The following IQUB variants were observed in gnomAD, a reference collection of about 807,000 sequenced individuals.
IQUB encodes IQ motif and ubiquitin domain containing.
Under a neutral mutation model 86.4 loss-of-function variants are expected in IQUB, and 86 were observed. That is an observed-to-expected ratio of 1.00 (90% confidence interval 0.84 to 1.19). The LOEUF (loss-of-function observed/expected upper bound fraction) is 1.19, where lower values mean the gene tolerates loss of function less well. IQUB is among the 50% of genes most tolerant of loss of function. IQUB has a pLI of 0.00. For missense variants in IQUB, 946 were observed against 916.9 expected, an observed-to-expected ratio of 1.03 and a Z score of -0.41; for synonymous variants, 289 against 304.5, an observed-to-expected ratio of 0.95 and a Z score of 0.53.
intron 1 of IQUB, among the ~76,000 whole-genome samples, chr7:123,522,434 T>C (rs747854420): frequency 2.0e-5 from 3 of 152,240 alleles, no homozygotes; most frequent in Non-Finnish European, 4.4e-5. Context: ...GACTTTGAGA[T>C]ACAGAGGTTT....
intron 12 of IQUB, 123 bp from the exon 13 acceptor site, chr7:123,453,048 C>CA: frequency 1.4e-6 from 1 of 702,698 alleles, no homozygotes; most frequent in Non-Finnish European, 2.3e-6. Flanking sequence ...TTATTTTTCT[C>CA]ACGTTGTCTA....
chr7:123,463,025 C>A (rs1476418921), intron 10 of IQUB, among the ~76,000 whole-genome samples: 11 of 151,626 alleles, frequency 7.3e-5, no homozygotes. Flanking sequence ...TGAGCCATTC[C>A]TTTTTAAAGC....
Position 123,452,713 on chromosome 7 carries a change from C to T in IQUB, c.*30G>A, listed in dbSNP as rs377568839. ...TACCCTATTAGCAGTGAACAAAATG[C>T]CGATCATCAAACAAATACTCCTGGA... On this transcript the variant is annotated 3_prime_UTR_variant, in exon 13 of 13. Transcript: ENST00000324698. The T allele has an allele frequency of 2.3e-5, 35 of 1,534,734 alleles. No individual in the cohort carries two copies. The African/African-American group carries it at 3.3e-4, about 14-fold the overall frequency.
At chr7:123,513,546 G>A (rs1387006111) in intron 1 of IQUB, among the ~76,000 whole-genome samples, 1 of 152,172 alleles carries the variant, frequency 6.6e-6, no homozygotes, top group East Asian at 1.9e-4. Context: ...AAAAACCTGT[G>A]AAGTCCTTTT....
chr7:123,510,961 A>AT (rs1240047696), intron 2 of IQUB, among the ~76,000 whole-genome samples: 1 of 152,114 alleles, frequency 6.6e-6, no homozygotes, highest in Admixed American at 6.6e-5. Flanking sequence ...CCAAGACAAC[A>AT]TTTTTTTAAA....
Position 123,509,950 on chromosome 7 carries a change from A to C in IQUB, c.483T>G (p.Phe161Leu). 1 of 1,609,878 alleles carries C rather than the reference A, an allele frequency of 6.2e-7. No homozygotes were observed. The highest frequency in any genetic ancestry group is 8.5e-7 in the Non-Finnish European group (1 of 1,177,670). The change falls in exon 3 of 13, where the codon TTT (phenylalanine) becomes TTG (leucine). Residue 161 changes from phenylalanine (F) to leucine (L), a missense_variant. Transcript: ENST00000324698. ...DTILKYLKDH[F>L]SHLLGIPHSV... ...AATGTGGGATACCTAATAAGTGTGA[A>C]AAATGGTCCTTAAGATATTTAAGAA... is the stretch of plus-strand genomic sequence containing the variant.
intron 7 of IQUB, among the ~76,000 whole-genome samples, chr7:123,488,637 G>A (rs1172960586): frequency 6.6e-6 from 1 of 152,132 alleles, no homozygotes; most frequent in African/African-American, 2.4e-5. Flanking sequence ...AACTCAAAGA[G>A]TCTACCTTCA....
chr7:123,515,486 A>C lies in IQUB; in HGVS notation c.-4-3142T>G, dbSNP rs184918565. On this transcript the variant is annotated intron_variant, in intron 1 of 12. Coordinates refer to ENST00000324698, the MANE Select transcript of IQUB (RefSeq NM_178827.5). ...CACTTCACCAAAGAATACATATAGA[A>C]GGCAATTAAGCAGGGCCAGGCCTAG... Among the ~76,000 whole-genome samples, 5 of 152,310 alleles carry C rather than the reference A, an allele frequency of 3.3e-5. No individual in the cohort carries two copies. In the East Asian group the frequency reaches 9.6e-4, roughly 29 times the overall value.
intron 7 of IQUB, among the ~76,000 whole-genome samples, chr7:123,490,653 A>G (rs969510988): frequency 4.6e-5 from 7 of 152,206 alleles, no homozygotes; most frequent in African/African-American, 1.7e-4. Flanking sequence ...TGTTAAAATA[A>G]GTATCAATAA....
Position 123,503,324 on chromosome 7 carries a change from C to T in IQUB, c.572G>A (p.Gly191Glu). 2 of 1,584,362 alleles carry T rather than the reference C, an allele frequency of 1.3e-6. No homozygotes were observed. The highest frequency in any genetic ancestry group is 1.7e-6 in the Non-Finnish European group (2 of 1,161,484). The change falls in exon 4 of 13, where the codon GGA becomes GAA. Residue 191 changes from glycine (G) to glutamate (E), a missense_variant. Transcript: ENST00000324698. ...TTGTACAATTTCCTGTGGCTTAACT[C>T]CATGTTGTACTAGAGTCTCATTATT... ...LKNNETLVQH[G>E]VKPQEIVQVE...
chr7:123,464,421 T>G (rs1439457399), intron 10 of IQUB, among the ~76,000 whole-genome samples: 1 of 151,854 alleles, frequency 6.6e-6, no homozygotes, highest in Non-Finnish European at 1.5e-5. Context: ...AAAAAGAATT[T>G]AACTCCCTGT....
intron 12 of IQUB, among the ~76,000 whole-genome samples, chr7:123,453,263 AAT>A (rs72054596): frequency 0.27 from 36,812 of 138,052 alleles, 4,984 homozygotes; most frequent in East Asian, 0.36. Context: ...ATCTAGTTAG[AAT>A]ATATATATAT....
Position 123,509,932 on chromosome 7 carries a change from G to T in IQUB, c.501C>A (p.Ile167=). The T allele has an allele frequency of 6.2e-7, 1 of 1,609,224 alleles. No individual in the cohort carries two copies. The highest frequency in any genetic ancestry group is 8.5e-7 in the Non-Finnish European group (1 of 1,177,806). ...ATCTTATCTGCAGTACAGAATGTGG[G>T]ATACCTAATAAGTGTGAAAAATGGT... ...LKDHFSHLLG[I]PHSVLQIRYS... is the part of the protein sequence containing the mutation. The change falls in exon 3 of 13, where the codon ATC becomes ATA. Residue 167 remains isoleucine (I), a synonymous_variant. Transcript: ENST00000324698.
intron 11 of IQUB, among the ~76,000 whole-genome samples, chr7:123,459,145 C>T (rs562301042): frequency 6.6e-6 from 1 of 151,958 alleles, no homozygotes; most frequent in African/African-American, 2.4e-5. Flanking sequence ...AAGTAATAGA[C>T]CAAAACCCTA....
At chr7:123,530,672 A>ATTTTTT (rs377272603) in intron 1 of IQUB, among the ~76,000 whole-genome samples, 34 of 99,442 alleles carry the variant, frequency 3.4e-4, no homozygotes, top group African/African-American at 5.4e-4. Context: ...TTGCTCTTTG[A>ATTTTTT]TTTTTTTTTT....
intron 6 of IQUB, among the ~76,000 whole-genome samples, chr7:123,500,794 CAAGTT>C (rs1432190557): frequency 1.3e-5 from 2 of 151,880 alleles, no homozygotes; most frequent in African/African-American, 4.8e-5. Flanking sequence ...TCTACTAAGT[CAAGTT>C]AACACTTTTC....
intron 2 of IQUB, 44 bp downstream of exon 2, chr7:123,511,900 T>C: frequency 7.0e-7 from 1 of 1,427,918 alleles, no homozygotes; most frequent in Non-Finnish European, 9.4e-7. Flanking sequence ...GCATTCATTC[T>C]TCAAAATGAG....
rs1330968005 is a variant in IQUB, at chr7:123,518,921, C to CCTCAT, written c.-4-6582_-4-6578dup. The stretch of plus-strand genomic sequence containing the variant: ...TTACTACAAATCTTTATGACTAATT[C>CCTCAT]CTCATCTTCCATGTCTCAGTTTCCA... On this transcript the variant is annotated intron_variant, in intron 1 of 12. Transcript: ENST00000324698. 2.0e-5 allele frequency among the ~76,000 whole-genome samples: 3 copies of CCTCAT among 149,008 alleles called. No homozygotes were observed. In the South Asian group the frequency reaches 6.4e-4, roughly 32 times the overall value.
Position 123,462,134 on chromosome 7 carries a change from C to T in IQUB, c.1759-529G>A, listed in dbSNP as rs990161416. Reference sequence around the variant, plus strand: ...TAATTCTACCATAAAATAATCAACCCAATTATTTACTATGGGCTAAAGTAC... The same window carrying T: ...TAATTCTACCATAAAATAATCAACCTAATTATTTACTATGGGCTAAAGTAC... On this transcript the variant is annotated intron_variant, in intron 10 of 12. Transcript: ENST00000324698. 9.9e-5 allele frequency among the ~76,000 whole-genome samples: 15 copies of T among 151,728 alleles called. No individual in the cohort carries two copies. The East Asian group carries it at 1.9e-3, about 20-fold the overall frequency.
Sources: gnomAD v4.1 joint callset for allele counts (sites outside exome capture counted in the v4.1 genomes callset) on GRCh38, gnomAD v4.1.1 for gene constraint, MANE v1.5 for transcripts, NCBI Gene and HGNC (gene_info 2026-07-23, HGNC 2026-07-21) for gene names.